The following MYPN variants were observed in gnomAD, a reference collection of about 807,000 sequenced individuals.
MYPN encodes the protein myopalladin.
In MYPN, 63 loss-of-function variants were observed where a neutral mutation model predicts 129.4. That is an observed-to-expected ratio of 0.49 (90% CI 0.40 to 0.60). MYPN has a LOEUF of 0.60. MYPN is among the 20% of genes least tolerant of loss of function. MYPN has a pLI of 0.00. For synonymous variants in MYPN, 629 were observed against 600.9 expected (o/e 1.05, Z -0.68); for missense variants, 1,596 against 1,635.4 (o/e 0.98, Z 0.42).
intron 3 of MYPN, among the ~76,000 whole-genome samples, chr10:68,143,548 C>T (rs2042610639): frequency 6.6e-6 from 1 of 151,644 alleles, no homozygotes; most frequent in Admixed American, 6.6e-5. Context: ...GCCAATGTGG[C>T]CAGGGTGGAG....
chr10:68,100,748 A>C (rs1283408827), intron 1 of MYPN, among the ~76,000 whole-genome samples: 1 of 152,180 alleles, frequency 6.6e-6, no homozygotes, highest in Non-Finnish European at 1.5e-5. Flanking sequence ...TTCAAAAGCA[A>C]GAATTCCCCT....
At chr10:68,093,095 C>T (rs929987512) in intron 1 of MYPN, among the ~76,000 whole-genome samples, 1 of 152,042 alleles carries the variant, frequency 6.6e-6, no homozygotes, top group African/African-American at 2.4e-5. Context: ...GCTGGTCTCC[C>T]ATGAACCCTT....
intron 10 of MYPN, among the ~76,000 whole-genome samples, chr10:68,172,959 G>C (rs1262161660): frequency 6.6e-6 from 1 of 152,156 alleles, no homozygotes; most frequent in African/African-American, 2.4e-5. Context: ...TGTGGTCCCA[G>C]CTACTTGGGA....
chr10:68,097,280 TA>T (rs1384031571), intron 1 of MYPN, among the ~76,000 whole-genome samples: 1 of 152,138 alleles, frequency 6.6e-6, no homozygotes, highest in African/African-American at 2.4e-5. Context: ...TGGCACTAAT[TA>T]GCATTCTTGT....
At chr10:68,202,249 A>G (rs912487074) in intron 18 of MYPN, among the ~76,000 whole-genome samples, 45 of 152,148 alleles carry the variant, frequency 3.0e-4, no homozygotes, top group Admixed American at 6.5e-5. Flanking sequence ...TGGCTAACAT[A>G]GTGAAACCCT....
intron 13 of MYPN, among the ~76,000 whole-genome samples, chr10:68,193,124 T>C (rs2043542839): frequency 6.6e-6 from 1 of 152,004 alleles, no homozygotes. Flanking sequence ...TTATTTGGAG[T>C]CTTTCTGGGT....
At chr10:68,171,843 G>A (rs911930618) in intron 10 of MYPN, among the ~76,000 whole-genome samples, 1 of 152,190 alleles carries the variant, frequency 6.6e-6, no homozygotes, top group African/African-American at 2.4e-5. Flanking sequence ...GTCATCGAAT[G>A]GGTAGTTGAG....
intron 1 of MYPN, among the ~76,000 whole-genome samples, chr10:68,099,230 T>C (rs190770423): frequency 2.5e-3 from 376 of 152,266 alleles, no homozygotes; most frequent in African/African-American, 8.7e-3. Flanking sequence ...TAATGTCAAC[T>C]TGAAAATCTG....
At chr10:68,180,664 T>A (rs564087206) in intron 12 of MYPN, among the ~76,000 whole-genome samples, 4 of 152,330 alleles carry the variant, frequency 2.6e-5, no homozygotes, top group Admixed American at 2.0e-4. Context: ...TTTGATTATT[T>A]GCCCCTGAAG....
chr10:68,121,848 G>C lies in MYPN; in HGVS notation c.410G>C (p.Arg137Thr), dbSNP rs765931465. Residue 137 changes from arginine to threonine, a missense_variant, in exon 2 of 20, where the codon AGG becomes ACG. Arg to Thr is a moderately conservative substitution (Grantham distance 71, BLOSUM62 -1). Coordinates refer to ENST00000358913, the MANE Select transcript of MYPN (RefSeq NM_032578.4). ...SSKESPQEAK[R>T]PQYCSETQSK... ...AAAGAAAGCCCCCAGGAGGCAAAAA[G>C]GCCACAGTATTGTTCTGAAACCCAG... is the stretch of plus-strand genomic sequence containing the variant. 40 of 1,614,032 alleles carry C rather than the reference G, an allele frequency of 2.5e-5. No homozygotes were observed. In the Admixed American group the frequency reaches 6.5e-4, roughly 26 times the overall value.
At chr10:68,103,980 GT>G (rs768051290), upstream of MYPN, among the ~76,000 whole-genome samples, 9 of 152,096 alleles carry the variant, frequency 5.9e-5, no homozygotes, top group Non-Finnish European at 1.2e-4. Context: ...AAAGGCTTAG[GT>G]TTGAATCTAC....
At chr10:68,134,373 A>G (rs1035335782) in intron 2 of MYPN, among the ~76,000 whole-genome samples, 3 of 152,224 alleles carry the variant, frequency 2.0e-5, no homozygotes, top group Non-Finnish European at 4.4e-5. Context: ...AAGAAAAAGA[A>G]GGATTTCTAG....
chr10:68,203,689 GCACA>G lies in MYPN; in HGVS notation c.3659+1714_3659+1717del, dbSNP rs372251488. Among the ~76,000 whole-genome samples the G allele has an allele frequency of 7.4e-4, 39 of 52,738 alleles. No homozygotes were observed. In the South Asian group the frequency reaches 0.014, roughly 18 times the overall value. The allele number at this position is 52,738 out of a possible 152,430, so 34.6% of individuals were successfully genotyped here. ...ATCTGAATGGTCCTAAAACGCGCAC[GCACA>G]CACACACACACACACACATACACAC... is the stretch of plus-strand genomic sequence containing the variant. On this transcript the variant is annotated intron_variant, in intron 18 of 19. Coordinates refer to ENST00000358913, the MANE Select transcript of MYPN (RefSeq NM_032578.4).
intron 17 of MYPN, among the ~76,000 whole-genome samples, chr10:68,201,242 C>T (rs4746740): frequency 0.42 from 63,996 of 152,120 alleles, 14,146 homozygotes; most frequent in Non-Finnish European, 0.49. Context: ...CCCATGCGAA[C>T]GACCCAGATC....
chr10:68,153,410 C>T (rs1193825596), intron 6 of MYPN, among the ~76,000 whole-genome samples: 2 of 152,188 alleles, frequency 1.3e-5, no homozygotes, highest in Admixed American at 6.5e-5. Context: ...GATGCATATA[C>T]TTTTGATAAA....
chr10:68,121,676 A>G lies in MYPN; in HGVS notation c.238A>G (p.Arg80Gly). Residue 80 changes from arginine (R) to glycine (G), a missense_variant, in exon 2 of 20, where the codon AGA (arginine) becomes GGA (glycine). Transcript: ENST00000358913. ...EELDESVNLARLAINYDPLEK... is the reference protein window; with the variant it reads ...EELDESVNLAGLAINYDPLEK... Reference sequence around the variant, plus strand: ...ATTAGACGAAAGTGTCAATTTGGCAAGACTGGCCATCAATTACGACCCTTT... The same window carrying G: ...ATTAGACGAAAGTGTCAATTTGGCAGGACTGGCCATCAATTACGACCCTTT... 6.2e-7 allele frequency: 1 copy of G among 1,614,230 alleles called. No homozygotes were observed. The highest frequency in any genetic ancestry group is 8.5e-7 in the Non-Finnish European group (1 of 1,180,036).
chr10:68,150,911 T>C (rs1316399048), intron 6 of MYPN, among the ~76,000 whole-genome samples: 1 of 152,216 alleles, frequency 6.6e-6, no homozygotes, highest in African/African-American at 2.4e-5. Flanking sequence ...TAGGCCCAAA[T>C]AGATTTTATC....
intron 2 of MYPN, among the ~76,000 whole-genome samples, chr10:68,142,428 C>A (rs1334845600): frequency 6.6e-6 from 1 of 152,154 alleles, no homozygotes; most frequent in Non-Finnish European, 1.5e-5. Context: ...AGAGTTGGGC[C>A]ACTCCTGGGA....
At chr10:68,114,836 T>G (rs2042132754) in intron 1 of MYPN, among the ~76,000 whole-genome samples, 1 of 152,216 alleles carries the variant, frequency 6.6e-6, no homozygotes, top group Non-Finnish European at 1.5e-5. Context: ...ATTGTTTCAT[T>G]TCCAATCTGG....
Sources: allele counts gnomAD v4.1 joint callset (sites outside exome capture counted in the v4.1 genomes callset), GRCh38; gene constraint gnomAD v4.1.1; transcripts MANE v1.5; gene names NCBI Gene and HGNC (gene_info 2026-07-23, HGNC 2026-07-21).